USP28: variants seen among roughly 807,000 people sequenced by gnomAD.
The protein encoded by USP28 is ubiquitin specific peptidase 28.
A neutral mutation model predicts 145.0 loss-of-function variants in USP28; 113 were observed. The ratio of observed to expected loss-of-function variants is 0.78; its 90% confidence interval spans 0.67 to 0.91. The LOEUF (loss-of-function observed/expected upper bound fraction) is 0.91. Ranked by LOEUF, USP28 falls within the 40% of genes least tolerant of loss-of-function variation. USP28 has a pLI of 0.00. For synonymous variants in USP28, 447 were observed against 450.9 expected (o/e 0.99, Z 0.11); for missense variants, 1,201 against 1,289.6 (o/e 0.93, Z 1.05).
chr11:113,809,288 C>T, intron 16 of USP28, 34 bp from the exon 17 acceptor site: 1 of 1,591,374 alleles, frequency 6.3e-7, no homozygotes, highest in Non-Finnish European at 8.6e-7. Flanking sequence ...TAAAAGGTCA[C>T]AAGGAACGAA....
intron 16 of USP28, 41 bp from the exon 17 acceptor site, chr11:113,809,295 C>T (rs757920513): frequency 1.3e-5 from 20 of 1,572,670 alleles, no homozygotes; most frequent in Non-Finnish European, 1.7e-5. Context: ...TCACAAGGAA[C>T]GAAAACATCC....
intron 10 of USP28, chr11:113,828,776 A>T (rs1781636412): frequency 3.1e-6 from 1 of 326,608 alleles, no homozygotes; most frequent in African/African-American, 2.2e-5. Context: ...AAATGTTAAA[A>T]GCAAAGGCAG....
intron 1 of USP28, among the ~76,000 whole-genome samples, chr11:113,866,287 G>T (rs1196616491): frequency 6.6e-6 from 1 of 151,976 alleles, no homozygotes; most frequent in African/African-American, 2.4e-5. Flanking sequence ...GCCAGACTCT[G>T]TCTTGGGGAA....
intron 1 of USP28, among the ~76,000 whole-genome samples, chr11:113,874,335 C>T (rs1370703700): frequency 1.4e-5 from 2 of 143,450 alleles, no homozygotes; most frequent in African/African-American, 2.6e-5. Flanking sequence ...CCTGTAATAC[C>T]AGCTACTCAG....
intron 19 of USP28, 96 bp downstream of exon 20, chr11:113,806,393 C>T: frequency 9.5e-7 from 1 of 1,047,880 alleles, no homozygotes; most frequent in Non-Finnish European, 1.4e-6. Flanking sequence ...ACCACCACAC[C>T]CAGCCTTAAC....
At position 113,806,596 on chromosome 11, in the gene USP28, G is replaced by T; in HGVS notation, c.2305-12C>A. 1 of 1,536,332 alleles carries T rather than the reference G, an allele frequency of 6.5e-7. No individual in the cohort carries two copies. Among genetic ancestry groups the T allele is most frequent in the East Asian group, 2.3e-5 (1 of 42,736 alleles). ...GGGCTCAGCATCACCTACCACAAGG[G>T]GGCACAAAACACAGAGAGAAAGGAG... On this transcript the variant is annotated splice_polypyrimidine_tract_variant and intron_variant, in intron 18 of 24. Coordinates refer to ENST00000003302, the Ensembl canonical transcript of USP28.
At position 113,823,100 on chromosome 11, in the gene USP28, G is replaced by A. The variant is rs1248347398; in HGVS notation, c.1283+505C>T. On this transcript the variant is annotated intron_variant, in intron 12 of 24. Transcript: ENST00000003302. Reference sequence around the variant, plus strand: ...TACAGAAAACCATTCTACAGAAATAGTGTAAAACCAACAATCAAAAAAGTG... The same window carrying A: ...TACAGAAAACCATTCTACAGAAATAATGTAAAACCAACAATCAAAAAAGTG... Among the ~76,000 whole-genome samples the A allele has an allele frequency of 2.0e-5, 3 of 152,168 alleles. No homozygotes were observed. In the East Asian group the frequency reaches 5.8e-4, roughly 29 times the overall value.
chr11:113,854,243 G>T lies in USP28; in HGVS notation c.135+15C>A. ...GCTTTAAAGCCTCCTGACTAACAGA[G>T]ATCTGGAAACCAACCTTCAGAGCTT... On this transcript the variant is annotated intron_variant, in intron 2 of 24. Transcript: ENST00000003302. The T allele has an allele frequency of 6.2e-7, 1 of 1,610,174 alleles. No homozygotes were observed. The highest frequency in any genetic ancestry group is 8.5e-7 in the Non-Finnish European group (1 of 1,177,884).
intron 3 of USP28, among the ~76,000 whole-genome samples, chr11:113,843,698 A>C (rs1945482260): frequency 6.6e-6 from 1 of 151,648 alleles, no homozygotes; most frequent in Admixed American, 6.6e-5. Flanking sequence ...AAACTAAAAA[A>C]AAATTTTTTT....
intron 13 of USP28, among the ~76,000 whole-genome samples, chr11:113,815,753 G>A (rs1941640371): frequency 1.3e-5 from 2 of 152,184 alleles, no homozygotes; most frequent in South Asian, 4.1e-4. Flanking sequence ...AAGGAAAATG[G>A]AAAAGAGAAG....
intron 23 of USP28, among the ~76,000 whole-genome samples, chr11:113,802,393 C>T (rs900028719): frequency 2.0e-5 from 3 of 152,174 alleles, no homozygotes; most frequent in African/African-American, 7.2e-5. Context: ...CTTAATCTCA[C>T]CCATTCGGTA....
intron 10 of USP28, among the ~76,000 whole-genome samples, chr11:113,828,182 A>G (rs1943589868): frequency 6.6e-6 from 1 of 152,258 alleles, no homozygotes; most frequent in African/African-American, 2.4e-5. Flanking sequence ...ATACCCTGTC[A>G]GCATAATGAG....
rs752117409 is a variant in USP28 at position 113,841,807 on chromosome 11, G to A, written c.269-39C>T. On this transcript the variant is annotated intron_variant, in intron 3 of 24. Transcript: ENST00000003302. ...AGAAATTTAATTAGTCTATATATAGGAAACACTGCCCTTCTGTAATATAAG... is the reference window on the plus strand; with the variant it reads ...AGAAATTTAATTAGTCTATATATAGAAAACACTGCCCTTCTGTAATATAAG... 64 of 1,360,460 alleles carry A rather than the reference G, an allele frequency of 4.7e-5. 1 individual carries two copies. The South Asian group carries it at 8.1e-4, about 17-fold the overall frequency. The allele number at this position is 1,360,460 out of a possible 1,614,324, so 84.3% of individuals were successfully genotyped here.
At chr11:113,803,019 TA>T in intron 23 of USP28, 138 bp downstream of exon 24, 1 of 987,502 alleles carries the variant, frequency 1.0e-6, no homozygotes, top group Non-Finnish European at 1.4e-6. Context: ...TGTTCCAATG[TA>T]AAACTGTTCA....
intron 15 of USP28, 38 bp from the exon 16 acceptor site, chr11:113,812,542 C>A (rs1214800364): frequency 6.4e-7 from 1 of 1,560,566 alleles, no homozygotes; most frequent in Admixed American, 1.7e-5. Context: ...TCAGGTGAAG[C>A]AAAGTAATCT....
At position 113,836,973 on chromosome 11, in the gene USP28, T is replaced by C. The variant is rs565283937; in HGVS notation, c.535-2638A>G. ...TGTGTTCCTCTACCTGGAATGTTTT[T>C]TTATCCCAATAGCTGCCTGGTTCAC... On this transcript the variant is annotated intron_variant, in intron 5 of 24. Coordinates refer to ENST00000003302, the Ensembl canonical transcript of USP28. Among the ~76,000 whole-genome samples, 4 of 152,268 alleles carry C rather than the reference T, an allele frequency of 2.6e-5. No individual in the cohort carries two copies. The East Asian group carries it at 7.7e-4, about 29-fold the overall frequency.
At chr11:113,818,109 G>T in intron 12 of USP28, 1 of 339,630 alleles carries the variant, frequency 2.9e-6, no homozygotes, top group East Asian at 4.9e-5. Context: ...TTCTCATGAT[G>T]TCATATTACA....
chr11:113,828,875 C>T (rs965834576), intron 10 of USP28: 2 of 520,510 alleles, frequency 3.8e-6, no homozygotes, highest in Non-Finnish European at 7.4e-6. Context: ...TTTTACCCTC[C>T]GAAAATATGG....
intron 1 of USP28, among the ~76,000 whole-genome samples, chr11:113,873,126 T>A (rs1309719356): frequency 6.6e-6 from 1 of 152,182 alleles, no homozygotes; most frequent in Non-Finnish European, 1.5e-5. Context: ...GTAGAATGCC[T>A]CAGAGAGTTC....
Sources: gnomAD v4.1 joint callset for allele counts (sites outside exome capture counted in the v4.1 genomes callset) on GRCh38, gnomAD v4.1.1 for gene constraint, MANE v1.5 for transcripts, NCBI Gene and HGNC (gene_info 2026-07-23, HGNC 2026-07-21) for gene names.